The following CENPK variants were observed in gnomAD, a reference collection of about 807,000 sequenced individuals.
CENPK encodes the protein SoxLZ/Sox6-binding protein Solt.
A neutral mutation model predicts 40.9 loss-of-function variants in CENPK; 46 were observed. The ratio of observed to expected loss-of-function variants is 1.13; its 90% CI spans 0.89 to 1.44. The LOEUF (loss-of-function observed/expected upper bound fraction) is 1.44, where lower values mean the gene tolerates loss of function less well. Ranked by LOEUF, CENPK falls within the 40% of genes most tolerant of loss-of-function variation. The pLI is 0.00. For missense variants in CENPK, 288 were observed against 303.5 expected, an observed-to-expected ratio of 0.95 and a Z score of 0.38; for synonymous variants, 107 against 104.4, an observed-to-expected ratio of 1.02 and a Z score of -0.15.
intron 2 of CENPK, among the ~76,000 whole-genome samples, chr5:65,556,814 A>G (rs1257409749): frequency 6.6e-6 from 1 of 152,176 alleles, no homozygotes. Context: ...TTTGTCTTTC[A>G]TACCATTTTT....
At chr5:65,511,993 T>A in the CENPK span, among the ~76,000 whole-genome samples, 3 of 152,158 alleles carry the variant, frequency 2.0e-5, no homozygotes, top group Non-Finnish European at 4.4e-5. Context: ...GGTCAAAATA[T>A]CAACATTAAC....
At chr5:65,541,278 C>T (rs4700085) in intron 6 of CENPK, 173,845 of 428,992 alleles carry the variant, frequency 0.41, 36,317 homozygotes, top group East Asian at 0.65. Context: ...GGCGACAATC[C>T]ATTACTGGCA....
the CENPK span, among the ~76,000 whole-genome samples, chr5:65,496,340 T>C: frequency 6.6e-6 from 1 of 152,158 alleles, no homozygotes; most frequent in African/African-American, 2.4e-5. Flanking sequence ...TTGATCACGG[T>C]GCTATTTCTA....
intron 10 of CENPK, among the ~76,000 whole-genome samples, chr5:65,519,906 C>T (rs917831360): frequency 1.3e-5 from 2 of 152,002 alleles, no homozygotes; most frequent in Non-Finnish European, 2.9e-5. Context: ...TAATTTTAAT[C>T]ATATTGTTTT....
intron 3 of CENPK, among the ~76,000 whole-genome samples, chr5:65,553,995 C>T (rs1334621902): frequency 6.6e-6 from 1 of 152,182 alleles, no homozygotes; most frequent in Non-Finnish European, 1.5e-5. Flanking sequence ...CCCAGAAGTC[C>T]TTCTCCTAAT....
chr5:65,514,234 T>C (rs1561602994), downstream of CENPK, among the ~76,000 whole-genome samples: 3 of 16,514 alleles, frequency 1.8e-4, no homozygotes, highest in Non-Finnish European at 5.1e-4. Context: ...CATAATCTTT[T>C]TTTTTTTTTT....
chr5:65,519,398 C>G (rs996527510), intron 10 of CENPK, among the ~76,000 whole-genome samples: 1 of 152,140 alleles, frequency 6.6e-6, no homozygotes, highest in African/African-American at 2.4e-5. Flanking sequence ...TTATGAAATA[C>G]AGTGGAAAAA....
intron 1 of CENPK, among the ~76,000 whole-genome samples, chr5:65,562,258 G>A (rs2150575811): frequency 6.6e-6 from 1 of 152,250 alleles, no homozygotes; most frequent in South Asian, 2.1e-4. Flanking sequence ...ATGCTTTCAA[G>A]CATAAAAACA....
the CENPK span, among the ~76,000 whole-genome samples, chr5:65,495,717 C>T: frequency 3.3e-5 from 5 of 151,880 alleles, no homozygotes; most frequent in Non-Finnish European, 5.9e-5. Flanking sequence ...TCTAGAATAA[C>T]GATCAAGGAA....
At chr5:65,531,509 T>C (rs1320070963) in intron 6 of CENPK, among the ~76,000 whole-genome samples, 1 of 81,244 alleles carries the variant, frequency 1.2e-5, no homozygotes, top group Non-Finnish European at 2.9e-5. Context: ...TAAAAATCTA[T>C]TTTTTTTTTT....
At chr5:65,516,257 T>A (rs1742848147), downstream of CENPK, among the ~76,000 whole-genome samples, 1 of 152,350 alleles carries the variant, frequency 6.6e-6, no homozygotes, top group South Asian at 2.1e-4. Flanking sequence ...ACTGTGGCAG[T>A]ATCTGTGTAT....
intron 6 of CENPK, among the ~76,000 whole-genome samples, chr5:65,530,331 G>C (rs908934130): frequency 6.6e-6 from 1 of 152,082 alleles, no homozygotes; most frequent in Admixed American, 6.6e-5. Context: ...TAAAAGTAAA[G>C]GTATGAAGAG....
rs201709067 is a variant in CENPK at position 65,552,503 on chromosome 5, G to C, written c.158C>G (p.Ser53Ter). Residue 53 changes from serine (S) to a stop codon, truncating the protein, a stop_gained, in exon 4 of 11, where the codon TCA (serine) becomes TGA (stop). Transcript: ENST00000396679. LOFTEE classifies it high-confidence loss of function. The stretch of plus-strand genomic sequence containing the variant: ...GAAAAAGATTCATACCTGAGCATTT[G>C]AATCGGTGAGTGTTTCAGTTCCAAT... ...SLIGTETLTDSNAQLSLLIMQ... is the reference protein window; with the variant it reads ...SLIGTETLTD 2 of 1,556,058 alleles carry C rather than the reference G, an allele frequency of 1.3e-6. No individual in the cohort carries two copies. The highest frequency in any genetic ancestry group is 2.4e-5 in the East Asian group (1 of 41,990).
chr5:65,531,212 CAT>C (rs1188561885), intron 6 of CENPK, among the ~76,000 whole-genome samples: 1 of 145,172 alleles, frequency 6.9e-6, no homozygotes, highest in East Asian at 2.3e-4. Flanking sequence ...TCAATGCAAT[CAT>C]ATTGATTATA....
the CENPK span, among the ~76,000 whole-genome samples, chr5:65,509,256 C>T: frequency 9.2e-5 from 14 of 152,204 alleles, no homozygotes; most frequent in Non-Finnish European, 1.9e-4. Context: ...TTAAGAAAGT[C>T]AGTCCTCACT....
chr5:65,515,204 ATT>A (rs1554102335), downstream of CENPK, among the ~76,000 whole-genome samples: 8 of 124,056 alleles, frequency 6.4e-5, no homozygotes, highest in African/African-American at 6.2e-5. Flanking sequence ...TCTCAAAAAA[ATT>A]TTTTTTTTTT....
chr5:65,521,435 A>G, intron 10 of CENPK, 40 bp downstream of exon 10: 1 of 1,524,776 alleles, frequency 6.6e-7, no homozygotes, highest in Non-Finnish European at 9.1e-7. Context: ...CAAATGACTA[A>G]GACAGCTTCA....
intron 9 of CENPK, 128 bp from the exon 10 acceptor site, chr5:65,521,656 A>C (rs1743777832): frequency 3.0e-6 from 2 of 667,474 alleles, no homozygotes; most frequent in African/African-American, 1.9e-5. Flanking sequence ...GCTGGAGTGC[A>C]ATGGCGCAAT....
chr5:65,515,447 C>A (rs1488193498), downstream of CENPK, among the ~76,000 whole-genome samples: 1 of 152,074 alleles, frequency 6.6e-6, no homozygotes, highest in Non-Finnish European at 1.5e-5. Flanking sequence ...GTGATCCACC[C>A]GACTCGGCCT....
Sources: gnomAD v4.1 joint callset for allele counts (sites outside exome capture counted in the v4.1 genomes callset) on GRCh38, gnomAD v4.1.1 for gene constraint, MANE v1.5 for transcripts, NCBI Gene and HGNC (gene_info 2026-07-23, HGNC 2026-07-21) for gene names.